The following C2CD2L variants were observed in gnomAD, a reference collection of about 807,000 sequenced individuals.
The protein encoded by C2CD2L is phospholipid transfer protein C2CD2L.
In C2CD2L, 24 loss-of-function variants were observed where a neutral mutation model predicts 69.9. The ratio of observed to expected loss-of-function variants is 0.34; its 90% CI spans 0.25 to 0.48. The LOEUF (loss-of-function observed/expected upper bound fraction) is 0.48, where lower values mean the gene tolerates loss of function less well. C2CD2L is among the 20% of genes least tolerant of loss of function. The probability of loss-of-function intolerance (pLI) is 0.99; values close to 1 mark genes in which losing one functional copy is unlikely to be tolerated. For missense variants in C2CD2L, 811 were observed against 941.5 expected, an observed-to-expected ratio of 0.86 and a Z score of 1.81; for synonymous variants, 367 against 391.0, an observed-to-expected ratio of 0.94 and a Z score of 0.72.
Position 119,109,567 on chromosome 11 carries a change from A to T in C2CD2L, c.355-537A>T, listed in dbSNP as rs1946683020. ...TTCATCTCCAAGAATATGAAGCATC[A>T]TACTCTTGAAGCCTCCACATCTTAT... On this transcript the variant is annotated intron_variant, in intron 1 of 13. Coordinates refer to ENST00000648610, the MANE Select transcript of C2CD2L (RefSeq NM_001290474.2). This position sits in a 1 kb window ranked among gnomAD's most constrained non-coding sequence, Gnocchi z 5.1. Among the ~76,000 whole-genome samples the T allele has an allele frequency of 6.6e-6, 1 of 152,154 alleles. No individual in the cohort carries two copies. The highest frequency in any genetic ancestry group is 1.5e-5 in the Non-Finnish European group (1 of 68,026).
rs1198428412 is a variant in C2CD2L, at chr11:119,118,292, A to G, written c.*2036A>G. 1.3e-5 allele frequency: 2 copies of G among 152,060 alleles called. No individual in the cohort carries two copies. The highest frequency in any genetic ancestry group is 6.6e-5 in the Admixed American group (1 of 15,262). The allele number at this position is 152,060 out of a possible 1,614,324, so 9.4% of individuals were successfully genotyped here. A position where few individuals can be genotyped will look rare whatever the true frequency, so the allele number is the denominator to read the frequency against. On this transcript the variant is annotated 3_prime_UTR_variant, in exon 14 of 14. Coordinates refer to ENST00000648610, the MANE Select transcript of C2CD2L (RefSeq NM_001290474.2). ...TCTCCGATGTCTTTTATTCCACTCT[A>G]TATGTCCATGTATACCCATTATTTA...
In C2CD2L at chr11:119,108,021, G is replaced by T; in HGVS notation, c.280G>T (p.Ala94Ser). Reference sequence around the variant, plus strand: ...CCGGGGCCTCCTGGCGTCACTCTTCGCCTTCAAGTCTTTCCGGGAGAACTG... The same window carrying T: ...CCGGGGCCTCCTGGCGTCACTCTTCTCCTTCAAGTCTTTCCGGGAGAACTG... The part of the protein sequence containing the change: ...GVRGLLASLF[A>S]FKSFRENWQR... The change falls in exon 1 of 14, where the codon GCC (alanine) becomes TCC (serine). Residue 94 changes from alanine (A) to serine (S), a missense_variant. Transcript: ENST00000648610. 6.3e-7 allele frequency: 1 copy of T among 1,597,848 alleles called. No individual in the cohort carries two copies. Among genetic ancestry groups the T allele is most frequent in the African/African-American group, 1.4e-5 (1 of 72,616 alleles).
At position 119,113,661 on chromosome 11, in the gene C2CD2L, A is replaced by G. The variant is rs749508914; in HGVS notation, c.1438A>G (p.Thr480Ala). ...SKVEVTEKTT[T>A]VLSESSGPSN... ...GGTGGAGGTGACCGAGAAGACGACAACTGTGCTGAGTGAGAGCAGTGGCCC... is the reference window on the plus strand; with the variant it reads ...GGTGGAGGTGACCGAGAAGACGACAGCTGTGCTGAGTGAGAGCAGTGGCCC... Residue 480 changes from threonine (T) to alanine (A), a missense_variant, in exon 11 of 14, where the codon ACT (threonine) becomes GCT (alanine). By Grantham distance (58) the Thr-to-Ala change is moderately conservative (BLOSUM62 0). Coordinates refer to ENST00000648610, the MANE Select transcript of C2CD2L (RefSeq NM_001290474.2). 10 of 1,613,806 alleles carry G rather than the reference A, an allele frequency of 6.2e-6. No homozygotes were observed. Among genetic ancestry groups the G allele is most frequent in the Middle Eastern group, 1.6e-4 (1 of 6,084 alleles).
In C2CD2L at chr11:119,109,315, C is replaced by T. The variant is rs1240966491; in HGVS notation, c.355-789C>T. Among the ~76,000 whole-genome samples the T allele has an allele frequency of 6.6e-6, 1 of 152,240 alleles. No individual in the cohort carries two copies. The highest frequency in any genetic ancestry group is 1.5e-5 in the Non-Finnish European group (1 of 68,048). On this transcript the variant is annotated intron_variant, in intron 1 of 13. Transcript: ENST00000648610. The surrounding 1 kb of genome is among the most constrained non-coding windows in gnomAD (Gnocchi z 5.1). ...TTGCCAGCCAATTCTGTGCCCCTTC[C>T]TCAATTCTGTGTCCGCACTGCTCTC...
Position 119,109,986 on chromosome 11 carries a change from A to C in C2CD2L, c.355-118A>C. ...TAAAGCCCTGAGCCAAGGAGGGGCC[A>C]GAAGCCAGCCTGCAGCTGAGGCCTC... On this transcript the variant is annotated intron_variant, in intron 1 of 13. Transcript: ENST00000648610. This position sits in a 1 kb window ranked among gnomAD's most constrained non-coding sequence, Gnocchi z 5.1. The C allele has an allele frequency of 2.7e-6, 2 of 754,482 alleles. No individual in the cohort carries two copies. Among genetic ancestry groups the C allele is most frequent in the Non-Finnish European group, 4.7e-6 (2 of 424,378 alleles). 46.7% of individuals were successfully genotyped at this position (754,482 alleles called of 1,614,324 possible). A position where few individuals can be genotyped will look rare whatever the true frequency, so the allele number is the denominator to read the frequency against.
chr11:119,117,964 G>A lies in C2CD2L; in HGVS notation c.*1708G>A, dbSNP rs1946932158. ...GACTACCTATATCTCAGGGTGTTTA[G>A]GGCACATGCCTTTGGGTAGATAGCA... On this transcript the variant is annotated 3_prime_UTR_variant, in exon 14 of 14. Coordinates refer to ENST00000648610, the MANE Select transcript of C2CD2L (RefSeq NM_001290474.2). The A allele has an allele frequency of 6.6e-6, 1 of 152,150 alleles. No individual in the cohort carries two copies. Among genetic ancestry groups the A allele is most frequent in the African/African-American group, 2.4e-5 (1 of 41,398 alleles). The allele number at this position is 152,150 out of a possible 1,614,324, so 9.4% of individuals were successfully genotyped here. A position where few individuals can be genotyped will look rare whatever the true frequency, so the allele number is the denominator to read the frequency against.
In C2CD2L at chr11:119,118,321, C is replaced by T. The variant is rs1264281540; in HGVS notation, c.*2065C>T. ...GTCCATGTATACCCATTATTTAGCT[C>T]CCACTTATAAATGAGAATATGCCAT... On this transcript the variant is annotated 3_prime_UTR_variant, in exon 14 of 14. Transcript: ENST00000648610. 1 of 152,132 alleles carries T rather than the reference C, an allele frequency of 6.6e-6. No individual in the cohort carries two copies. Among genetic ancestry groups the T allele is most frequent in the Non-Finnish European group, 1.5e-5 (1 of 68,028 alleles). 9.4% of individuals were successfully genotyped at this position (152,132 alleles called of 1,614,324 possible).
chr11:119,114,549 T>A lies in C2CD2L; in HGVS notation c.1909+184T>A, dbSNP rs1396703998. On this transcript the variant is annotated intron_variant, in intron 13 of 13. Coordinates refer to ENST00000648610, the MANE Select transcript of C2CD2L (RefSeq NM_001290474.2). The surrounding 1 kb of genome is among the most constrained non-coding windows in gnomAD (Gnocchi z 5.1). ...CTTGGTTCCTGGCCTAGATCTGACATGCTTGTGATAGGAAGGGATGCCAAA... is the reference window on the plus strand; with the variant it reads ...CTTGGTTCCTGGCCTAGATCTGACAAGCTTGTGATAGGAAGGGATGCCAAA... 1.6e-6 allele frequency: 1 copy of A among 613,480 alleles called. No homozygotes were observed. The highest frequency in any genetic ancestry group is 2.9e-6 in the Non-Finnish European group (1 of 349,160). 38.0% of individuals were successfully genotyped at this position (613,480 alleles called of 1,614,324 possible). A position where few individuals can be genotyped will look rare whatever the true frequency, so the allele number is the denominator to read the frequency against.
chr11:119,111,636 A>G lies in C2CD2L; in HGVS notation c.1019+7A>G, dbSNP rs763642146. The G allele has an allele frequency of 1.3e-6, 2 of 1,597,994 alleles. No individual in the cohort carries two copies. Among genetic ancestry groups the G allele is most frequent in the Non-Finnish European group, 1.7e-6 (2 of 1,166,946 alleles). The stretch of plus-strand genomic sequence containing the variant: ...GGACAGAAGACCTGGCACTGTAAGG[A>G]GTAACCCTGCCCCGACCCCATGCTC... On this transcript the variant is annotated splice_region_variant and intron_variant, in intron 7 of 13. Transcript: ENST00000648610.
Position 119,116,374 on chromosome 11 carries a change from C to G in C2CD2L, c.*118C>G, listed in dbSNP as rs1409168790. 5 of 834,614 alleles carry G rather than the reference C, an allele frequency of 6.0e-6. No homozygotes were observed. The East Asian group carries it at 1.3e-4, about 22-fold the overall frequency. 51.7% of individuals were successfully genotyped at this position (834,614 alleles called of 1,614,324 possible). On this transcript the variant is annotated 3_prime_UTR_variant, in exon 14 of 14. Coordinates refer to ENST00000648610, the MANE Select transcript of C2CD2L (RefSeq NM_001290474.2). ...AAGCCCTCTGGGTTCCGGGAAGCCC[C>G]GTCCACCCTGGGCCATGGGGCCGGT...
intron 11 of C2CD2L, 38 bp downstream of exon 11, chr11:119,113,750 C>T: frequency 6.2e-7 from 1 of 1,613,170 alleles, no homozygotes; most frequent in Non-Finnish European, 8.5e-7. Context: ...TGGGTTGGCC[C>T]TGGTGCCCCA....
rs762494526 is a variant in C2CD2L, at chr11:119,114,511, G to C, written c.1909+146G>C. On this transcript the variant is annotated intron_variant, in intron 13 of 13. Coordinates refer to ENST00000648610, the MANE Select transcript of C2CD2L (RefSeq NM_001290474.2). This position sits in a 1 kb window ranked among gnomAD's most constrained non-coding sequence, Gnocchi z 5.1. ...TAGTTCAGCCAAGCTAGCCTAGAGGGGGATCTTGGTGCCTTGGTTCCTGGC... is the reference window on the plus strand; with the variant it reads ...TAGTTCAGCCAAGCTAGCCTAGAGGCGGATCTTGGTGCCTTGGTTCCTGGC... 107 of 759,388 alleles carry C rather than the reference G, an allele frequency of 1.4e-4. No individual in the cohort carries two copies. The highest frequency in any genetic ancestry group is 7.1e-4 in the Middle Eastern group (2 of 2,800). 47.0% of individuals were successfully genotyped at this position (759,388 alleles called of 1,614,324 possible). A position where few individuals can be genotyped will look rare whatever the true frequency, so the allele number is the denominator to read the frequency against.
Position 119,107,945 on chromosome 11 carries a change from G to GCT in C2CD2L, c.205_206dup (p.Leu70CysfsTer42). On this transcript the variant is annotated frameshift_variant, in exon 1 of 14. Coordinates refer to ENST00000648610, the MANE Select transcript of C2CD2L (RefSeq NM_001290474.2). LOFTEE classifies it high-confidence loss of function. The surrounding 1 kb of genome is among the most constrained non-coding windows in gnomAD (Gnocchi z 5.4). ...TGCGGGAGCTGGGCGTGTGGCGCTC[G>GCT]CTGCTGCGGCTGCGGGCGACTCGGG... The GCT allele has an allele frequency of 6.5e-7, 1 of 1,542,586 alleles. No homozygotes were observed. Among genetic ancestry groups the GCT allele is most frequent in the Non-Finnish European group, 8.7e-7 (1 of 1,152,198 alleles).
At chr11:119,105,378 C>A (rs1946561501), upstream of C2CD2L, among the ~76,000 whole-genome samples, 1 of 152,212 alleles carries the variant, frequency 6.6e-6, no homozygotes, top group African/African-American at 2.4e-5. Flanking sequence ...GTGGCTCTCA[C>A]CTGTAATCCC....
At chr11:119,105,784 A>T (rs1353202414), upstream of C2CD2L, among the ~76,000 whole-genome samples, 1 of 152,174 alleles carries the variant, frequency 6.6e-6, no homozygotes. Flanking sequence ...TGAGGGAATA[A>T]ATCAAAGAAG....
Position 119,107,921 on chromosome 11 carries a change from G to A in C2CD2L, c.180G>A (p.Leu60=). The A allele has an allele frequency of 2.6e-6, 4 of 1,535,482 alleles. No individual in the cohort carries two copies. Among genetic ancestry groups the A allele is most frequent in the Non-Finnish European group, 3.5e-6 (4 of 1,147,070 alleles). The change falls in exon 1 of 14, where the codon CTG becomes CTA. Residue 60 remains leucine, a synonymous_variant. Coordinates refer to ENST00000648610, the MANE Select transcript of C2CD2L (RefSeq NM_001290474.2). The surrounding 1 kb of genome is among the most constrained non-coding windows in gnomAD (Gnocchi z 5.4). The stretch of plus-strand genomic sequence containing the variant: ...TAGCCGGGGAACCCGCGGGTTCCCT[G>A]CGGGAGCTGGGCGTGTGGCGCTCGC... The part of the protein sequence containing the change: ...PALAGEPAGS[L]RELGVWRSLL...
At position 119,109,872 on chromosome 11, in the gene C2CD2L, C is replaced by T. The variant is rs891775632; in HGVS notation, c.355-232C>T. 6.6e-6 allele frequency among the ~76,000 whole-genome samples: 1 copy of T among 152,080 alleles called. No individual in the cohort carries two copies. Among genetic ancestry groups the T allele is most frequent in the Non-Finnish European group, 1.5e-5 (1 of 67,992 alleles). ...TCTTCAGCTTAAGGTGATCTAGTCTCTGAGGTGGACTACCTCCCCATTGCT... is the reference window on the plus strand; with the variant it reads ...TCTTCAGCTTAAGGTGATCTAGTCTTTGAGGTGGACTACCTCCCCATTGCT... On this transcript the variant is annotated intron_variant, in intron 1 of 13. Coordinates refer to ENST00000648610, the MANE Select transcript of C2CD2L (RefSeq NM_001290474.2). This position sits in a 1 kb window ranked among gnomAD's most constrained non-coding sequence, Gnocchi z 5.1.
chr11:119,107,493 C>T lies in C2CD2L; in HGVS notation c.-249C>T, dbSNP rs928509261. On this transcript the variant is annotated 5_prime_UTR_variant, in exon 1 of 14. Coordinates refer to ENST00000648610, the MANE Select transcript of C2CD2L (RefSeq NM_001290474.2). This position sits in a 1 kb window ranked among gnomAD's most constrained non-coding sequence, Gnocchi z 5.4. The stretch of plus-strand genomic sequence containing the variant: ...GGGCACTGGCCGGCGACTAACGGGT[C>T]CGACTGCTGACCAAGCTAGGAGAGA... 2 of 353,994 alleles carry T rather than the reference C, an allele frequency of 5.6e-6. No individual in the cohort carries two copies. Among genetic ancestry groups the T allele is most frequent in the African/African-American group, 4.2e-5 (2 of 47,096 alleles). The allele number at this position is 353,994 out of a possible 1,614,324, so 21.9% of individuals were successfully genotyped here.
chr11:119,113,164 A>T (rs1466332845), intron 10 of C2CD2L: 1 of 494,168 alleles, frequency 2.0e-6, no homozygotes, highest in East Asian at 3.5e-5. Context: ...CTGGCTTTTC[A>T]CAGGTGTCCT....
Sources: allele counts gnomAD v4.1 joint callset (sites outside exome capture counted in the v4.1 genomes callset), GRCh38; gene constraint gnomAD v4.1.1; non-coding constraint Gnocchi (gnomAD v3.1); transcripts MANE v1.5; gene names NCBI Gene and HGNC (gene_info 2026-07-23, HGNC 2026-07-21).